Variants in FCHSD2 observed in about 807,000 individuals in gnomAD.
FCHSD2 encodes F-BAR and double SH3 domains protein 2.
Under a neutral mutation model 108.1 loss-of-function variants are expected in FCHSD2, and 38 were observed. The observed-to-expected ratio is 0.35, with a 90% CI of 0.27 to 0.46. The LOEUF (loss-of-function observed/expected upper bound fraction) is 0.46, where lower values mean the gene tolerates loss of function less well. FCHSD2 is among the 20% of genes least tolerant of loss of function. FCHSD2 has a pLI of 1.00. For synonymous variants in FCHSD2, 279 were observed against 314.7 expected (o/e 0.89, Z 1.20); for missense variants, 751 against 897.8 (o/e 0.84, Z 2.09).
chr11:73,007,938 A>G (rs1857777321), intron 4 of FCHSD2, among the ~76,000 whole-genome samples: 1 of 152,240 alleles, frequency 6.6e-6, no homozygotes, highest in Admixed American at 6.5e-5. Flanking sequence ...ATGTGTGGCT[A>G]CAATTATCTC....
intron 5 of FCHSD2, among the ~76,000 whole-genome samples, chr11:72,994,281 C>T (rs1300971374): frequency 6.6e-6 from 1 of 151,196 alleles, no homozygotes; most frequent in Non-Finnish European, 1.5e-5. Flanking sequence ...AGTCTGAATG[C>T]TTATTACTTC....
At chr11:73,014,143 TTTTTG>T (rs1857919247) in intron 4 of FCHSD2, among the ~76,000 whole-genome samples, 1 of 145,850 alleles carries the variant, frequency 6.9e-6, no homozygotes. Context: ...TTTTTTTTTT[TTTTTG>T]GGAGACAGAG....
intron 8 of FCHSD2, among the ~76,000 whole-genome samples, chr11:72,946,325 T>C (rs1029197801): frequency 2.1e-5 from 3 of 142,834 alleles, no homozygotes; most frequent in Non-Finnish European, 4.5e-5. Flanking sequence ...ATGTTCTCAC[T>C]CATAGGTGGG....
chr11:72,994,963 CT>C (rs1857493826), intron 5 of FCHSD2, among the ~76,000 whole-genome samples: 1 of 152,136 alleles, frequency 6.6e-6, no homozygotes. Flanking sequence ...CAAAAAGAAA[CT>C]CTGTATCCAT....
At chr11:73,134,832 G>A (rs1422215916) in intron 2 of FCHSD2, among the ~76,000 whole-genome samples, 1 of 152,036 alleles carries the variant, frequency 6.6e-6, no homozygotes, top group Admixed American at 6.6e-5. Context: ...TTTCTGGGGG[G>A]GAGTTTGTTT....
At chr11:73,100,649 C>T (rs1328574712) in intron 2 of FCHSD2, among the ~76,000 whole-genome samples, 2 of 152,114 alleles carry the variant, frequency 1.3e-5, no homozygotes, top group African/African-American at 4.8e-5. Flanking sequence ...AGGTGTGAGC[C>T]ACCGTGATCG....
At chr11:72,978,300 A>G (rs1046287865) in intron 8 of FCHSD2, among the ~76,000 whole-genome samples, 8 of 152,180 alleles carry the variant, frequency 5.3e-5, no homozygotes, top group South Asian at 2.1e-4. Flanking sequence ...CCCAGAACTT[A>G]AAGTATAATA....
At chr11:73,020,511 G>T (rs927437790) in intron 3 of FCHSD2, among the ~76,000 whole-genome samples, 2 of 152,128 alleles carry the variant, frequency 1.3e-5, no homozygotes, top group Non-Finnish European at 2.9e-5. Flanking sequence ...CAAGTTCACT[G>T]CATAAGCTGG....
intron 8 of FCHSD2, among the ~76,000 whole-genome samples, chr11:72,936,584 G>C (rs2135334749): frequency 6.6e-6 from 1 of 152,058 alleles, no homozygotes; most frequent in African/African-American, 2.4e-5. Flanking sequence ...AGACCAGCCT[G>C]GTCAACATAG....
At chr11:73,064,339 G>A (rs1279781556) in intron 3 of FCHSD2, among the ~76,000 whole-genome samples, 2 of 152,134 alleles carry the variant, frequency 1.3e-5, no homozygotes, top group Non-Finnish European at 2.9e-5. Flanking sequence ...AAGCAGGAAA[G>A]ATCTAAAATT....
At chr11:72,995,641 C>A (rs1857505789) in intron 5 of FCHSD2, among the ~76,000 whole-genome samples, 1 of 151,358 alleles carries the variant, frequency 6.6e-6, no homozygotes, top group Non-Finnish European at 1.5e-5. Flanking sequence ...GAGGTTGAGG[C>A]CACAGTGAGC....
chr11:73,020,941 C>A (rs1221694245), intron 3 of FCHSD2, among the ~76,000 whole-genome samples: 1 of 152,126 alleles, frequency 6.6e-6, no homozygotes, highest in African/African-American at 2.4e-5. Flanking sequence ...GTGGCATGAT[C>A]ATAGCTCACT....
chr11:73,116,529 T>G (rs958237680), intron 2 of FCHSD2, among the ~76,000 whole-genome samples: 6 of 152,180 alleles, frequency 3.9e-5, no homozygotes, highest in African/African-American at 1.4e-4. Context: ...TCATAATTCC[T>G]TCTTTCGTTT....
chr11:72,877,274 TG>T (rs1309239514), intron 12 of FCHSD2, among the ~76,000 whole-genome samples: 3 of 152,192 alleles, frequency 2.0e-5, no homozygotes, highest in African/African-American at 4.8e-5. Flanking sequence ...TTTCAGTTAT[TG>T]TTTCCTGCCA....
chr11:73,039,968 GA>G (rs1221426448), intron 3 of FCHSD2, among the ~76,000 whole-genome samples: 3 of 152,120 alleles, frequency 2.0e-5, no homozygotes, highest in Non-Finnish European at 2.9e-5. Context: ...AGATGATATG[GA>G]AATACATAGT....
intron 2 of FCHSD2, among the ~76,000 whole-genome samples, chr11:73,118,857 G>C (rs781759731): frequency 2.6e-5 from 4 of 152,074 alleles, no homozygotes; most frequent in African/African-American, 4.8e-5. Flanking sequence ...CTTACCCAAG[G>C]TCATACAACT....
At chr11:72,954,118 T>C (rs1415580674) in intron 8 of FCHSD2, among the ~76,000 whole-genome samples, 1 of 151,860 alleles carries the variant, frequency 6.6e-6, no homozygotes, top group East Asian at 1.9e-4. Flanking sequence ...GAAAGCCAAT[T>C]AGAAGAATCT....
intron 3 of FCHSD2, among the ~76,000 whole-genome samples, chr11:73,024,164 TA>T (rs200513826): frequency 1.3e-5 from 2 of 151,724 alleles, no homozygotes; most frequent in Non-Finnish European, 2.9e-5. Context: ...ATACGTAAAT[TA>T]AAAAAAATCT....
At chr11:72,848,682 G>A (rs535045704) in intron 14 of FCHSD2, among the ~76,000 whole-genome samples, 14 of 152,260 alleles carry the variant, frequency 9.2e-5, no homozygotes, top group South Asian at 8.3e-4. Flanking sequence ...TCTATTTAAC[G>A]CAGGGATGTG....
Sources: gnomAD v4.1 joint callset for allele counts (sites outside exome capture counted in the v4.1 genomes callset) on GRCh38, gnomAD v4.1.1 for gene constraint, MANE v1.5 for transcripts, NCBI Gene and HGNC (gene_info 2026-07-23, HGNC 2026-07-21) for gene names.